Variants in SEMA5A observed in about 807,000 individuals in gnomAD.
SEMA5A encodes the protein semaphorin 5A.
SEMA5A carries 55 observed loss-of-function variants against 135.5 expected under a neutral mutation model. The observed-to-expected ratio is 0.41, with a 90% confidence interval of 0.33 to 0.51. The LOEUF (loss-of-function observed/expected upper bound fraction) is 0.51, where lower values mean the gene tolerates loss of function less well. Ranked by LOEUF, SEMA5A falls within the 20% of genes least tolerant of loss-of-function variation. SEMA5A has a pLI of 0.37. For synonymous variants in SEMA5A, 580 were observed against 546.5 expected, an observed-to-expected ratio of 1.06 and a Z score of -0.85; for missense variants, 1,290 against 1,419.9, an observed-to-expected ratio of 0.91 and a Z score of 1.47.
rs1025630781 is a variant in SEMA5A at position 9,035,841 on chromosome 5, C to A, written c.*7056G>T. 6.6e-6 allele frequency: 1 copy of A among 151,390 alleles called. No individual in the cohort carries two copies. The highest frequency in any genetic ancestry group is 2.4e-5 in the African/African-American group (1 of 41,182). The allele number at this position is 151,390 out of a possible 1,614,324, so 9.4% of individuals were successfully genotyped here. A position where few individuals can be genotyped will look rare whatever the true frequency, so the allele number is the denominator to read the frequency against. ...AAACAAAGGGGAAATGTAAAGCTAT[C>A]TCATTGTTTTAAAAAGCTAAATTAT... On this transcript the variant is annotated 3_prime_UTR_variant, in exon 23 of 23. Coordinates refer to ENST00000382496, the MANE Select transcript of SEMA5A (RefSeq NM_003966.3).
intron 5 of SEMA5A, among the ~76,000 whole-genome samples, chr5:9,303,673 A>G (rs866051662): frequency 6.6e-6 from 1 of 152,170 alleles, no homozygotes; most frequent in Non-Finnish European, 1.5e-5. Context: ...TTTGATGATT[A>G]TGCCAAATAT....
intron 5 of SEMA5A, among the ~76,000 whole-genome samples, chr5:9,301,908 C>A (rs57291012): frequency 0.016 from 2,389 of 152,118 alleles, 67 homozygotes; most frequent in African/African-American, 0.055. Flanking sequence ...AAATCAGTAT[C>A]AATGGGCCAA....
In SEMA5A at chr5:9,122,778, C is replaced by G. The variant is rs17238053; in HGVS notation, c.1659G>C (p.Thr553=). ...ATCCCACGGCGCTGCCATCTGTGTG[C>G]GTGCAAGGCGTCCACGGAGACCACA... is the stretch of plus-strand genomic sequence containing the variant. ...FGVWSPWTPC[T]HTDGSAVGSC... is the part of the protein sequence containing the mutation. Residue 553 remains threonine (T), a synonymous_variant, in exon 14 of 23, where the codon ACG becomes ACC. Transcript: ENST00000382496. 5 of 1,612,500 alleles carry G rather than the reference C, an allele frequency of 3.1e-6. No individual in the cohort carries two copies. The highest frequency in any genetic ancestry group is 2.2e-5 in the East Asian group (1 of 44,736).
At chr5:9,183,552 G>T (rs1364900146) in intron 11 of SEMA5A, among the ~76,000 whole-genome samples, 2 of 152,212 alleles carry the variant, frequency 1.3e-5, no homozygotes, top group African/African-American at 2.4e-5. Flanking sequence ...AGCCACGGGG[G>T]CAGCTGAGGC....
At chr5:9,371,511 G>T (rs990681741) in intron 3 of SEMA5A, among the ~76,000 whole-genome samples, 3 of 152,024 alleles carry the variant, frequency 2.0e-5, no homozygotes, top group Admixed American at 1.3e-4. Flanking sequence ...TTGAAAAGTG[G>T]TTTTTTAAAA....
chr5:9,487,325 A>G (rs1734784560), intron 1 of SEMA5A, among the ~76,000 whole-genome samples: 1 of 152,202 alleles, frequency 6.6e-6, no homozygotes, highest in Non-Finnish European at 1.5e-5. Flanking sequence ...AAAAGCATTT[A>G]CTACTATTAT....
chr5:9,269,495 T>A (rs1749857812), intron 5 of SEMA5A, among the ~76,000 whole-genome samples: 2 of 152,134 alleles, frequency 1.3e-5, no homozygotes, highest in African/African-American at 4.8e-5. Flanking sequence ...CCTGTCTAAG[T>A]TAGCGTACTC....
At chr5:9,056,797 T>A (rs1736918723) in intron 18 of SEMA5A, among the ~76,000 whole-genome samples, 2 of 152,174 alleles carry the variant, frequency 1.3e-5, no homozygotes, top group South Asian at 4.1e-4. Context: ...AAAACTGAAA[T>A]TAGGATCTCT....
At chr5:9,390,867 A>C (rs1756129976) in intron 2 of SEMA5A, 1 of 152,276 alleles carries the variant, frequency 6.6e-6, no homozygotes, top group African/African-American at 2.4e-5. Context: ...TACACTACTC[A>C]AACATCTTTT....
chr5:9,474,173 G>A (rs150858456), intron 1 of SEMA5A, among the ~76,000 whole-genome samples: 36 of 152,270 alleles, frequency 2.4e-4, no homozygotes, highest in African/African-American at 7.7e-4. Context: ...AATTCCGTCC[G>A]TCAGAGCTGA....
chr5:9,083,415 T>A (rs956952669), intron 16 of SEMA5A, among the ~76,000 whole-genome samples: 1 of 152,244 alleles, frequency 6.6e-6, no homozygotes, highest in Non-Finnish European at 1.5e-5. Flanking sequence ...TAGATTCTTA[T>A]TACTGCATGA....
At chr5:9,249,403 C>T (rs962720331) in intron 5 of SEMA5A, among the ~76,000 whole-genome samples, 27 of 152,308 alleles carry the variant, frequency 1.8e-4, no homozygotes, top group Middle Eastern at 3.4e-3. Context: ...CATTACTTAC[C>T]TCTCCCACAC....
intron 1 of SEMA5A, among the ~76,000 whole-genome samples, chr5:9,484,483 A>G (rs942255628): frequency 2.2e-4 from 34 of 152,224 alleles, no homozygotes; most frequent in African/African-American, 7.5e-4. Context: ...AAATGGAAAC[A>G]CTAGAAGTGC....
At chr5:9,151,737 C>T (rs1742646286) in intron 12 of SEMA5A, among the ~76,000 whole-genome samples, 1 of 152,136 alleles carries the variant, frequency 6.6e-6, no homozygotes. Flanking sequence ...AAACTAACCC[C>T]CTCTGAGGAA....
intron 13 of SEMA5A, among the ~76,000 whole-genome samples, chr5:9,125,773 T>G (rs1044074520): frequency 2.1e-4 from 32 of 152,098 alleles, no homozygotes; most frequent in South Asian, 4.1e-4. Context: ...AAGCCTTGCA[T>G]GACAACGTGA....
chr5:9,324,729 T>C (rs1022559650), intron 4 of SEMA5A, among the ~76,000 whole-genome samples: 6 of 152,224 alleles, frequency 3.9e-5, no homozygotes, highest in Non-Finnish European at 8.8e-5. Flanking sequence ...TACAGAACCC[T>C]GCAAGTGGCT....
At chr5:9,056,223 G>T (rs75970225) in intron 18 of SEMA5A, among the ~76,000 whole-genome samples, 114 of 152,304 alleles carry the variant, frequency 7.5e-4, no homozygotes, top group Middle Eastern at 3.4e-3. Flanking sequence ...TGTGTGAAAA[G>T]ATGCTCAGCA....
chr5:9,540,887 T>G (rs1738047129), intron 1 of SEMA5A, among the ~76,000 whole-genome samples: 1 of 152,156 alleles, frequency 6.6e-6, no homozygotes, highest in African/African-American at 2.4e-5. Flanking sequence ...AGAAAAGCTC[T>G]TTGTGTGGAA....
intron 1 of SEMA5A, among the ~76,000 whole-genome samples, chr5:9,472,401 G>A (rs1759508164): frequency 6.6e-6 from 1 of 152,202 alleles, no homozygotes; most frequent in South Asian, 2.1e-4. Flanking sequence ...AATCAATTCT[G>A]TGCTGTGAGA....
Sources: allele counts gnomAD v4.1 joint callset (sites outside exome capture counted in the v4.1 genomes callset), GRCh38; gene constraint gnomAD v4.1.1; transcripts MANE v1.5; gene names NCBI Gene and HGNC (gene_info 2026-07-23, HGNC 2026-07-21).